C5orf24: variants seen among roughly 807,000 people sequenced by gnomAD.
The protein encoded by C5orf24 is UPF0461 protein C5orf24.
In C5orf24, 4 loss-of-function variants were observed where a neutral mutation model predicts 9.8. That is an observed-to-expected ratio of 0.41 (90% CI 0.20 to 0.93). The LOEUF (loss-of-function observed/expected upper bound fraction) is 0.93, where lower values mean the gene tolerates loss of function less well. Ranked by LOEUF, C5orf24 falls within the 40% of genes least tolerant of loss-of-function variation. The pLI, the probability that C5orf24 is intolerant of heterozygous loss-of-function variation, is 0.33. For synonymous variants in C5orf24, 73 were observed against 81.3 expected, an observed-to-expected ratio of 0.90 and a Z score of 0.55; for missense variants, 170 against 236.9, an observed-to-expected ratio of 0.72 and a Z score of 1.85.
upstream of C5orf24, among the ~76,000 whole-genome samples, chr5:134,843,999 C>T (rs1436776869): frequency 6.6e-6 from 1 of 152,230 alleles, no homozygotes; most frequent in African/African-American, 2.4e-5. Context: ...GGCAGAAAGG[C>T]ATTCAAACTC....
rs1223910575 is a variant in C5orf24, at chr5:134,859,363, CT to C, written c.*3902del. 1.8e-5 allele frequency: 3 copies of C among 166,750 alleles called. No homozygotes were observed. Among genetic ancestry groups the C allele is most frequent in the African/African-American group, 2.4e-5 (1 of 41,360 alleles). 10.3% of individuals were successfully genotyped at this position (166,750 alleles called of 1,614,324 possible). ...ACTCTAGGATGTATCTGAATCTTTC[CT>C]TTTTTCCCCCCTCCTCCAAATATAT... On this transcript the variant is annotated 3_prime_UTR_variant, in exon 2 of 2. Transcript: ENST00000394976.
upstream of C5orf24, among the ~76,000 whole-genome samples, chr5:134,842,717 CT>C (rs1256611996): frequency 6.6e-6 from 1 of 152,110 alleles, no homozygotes; most frequent in Non-Finnish European, 1.5e-5. Flanking sequence ...AGATTTCTTG[CT>C]GATATTTCCT....
intron 1 of C5orf24, among the ~76,000 whole-genome samples, chr5:134,850,148 T>G (rs1756116956): frequency 6.6e-6 from 1 of 151,914 alleles, no homozygotes; most frequent in Admixed American, 6.6e-5. Context: ...AGATATGTGG[T>G]TTTTTGTTTG....
chr5:134,840,983 A>G (rs1304573867), upstream of C5orf24, among the ~76,000 whole-genome samples: 1 of 152,132 alleles, frequency 6.6e-6, no homozygotes. Context: ...ACTAAATCAC[A>G]TTGTTAGACT....
chr5:134,851,824 A>G (rs1185341684), intron 1 of C5orf24, among the ~76,000 whole-genome samples: 1 of 152,242 alleles, frequency 6.6e-6, no homozygotes, highest in Non-Finnish European at 1.5e-5. Context: ...CCTGGCACAT[A>G]ACAAAATCCT....
At chr5:134,843,101 C>A (rs1035895276), upstream of C5orf24, among the ~76,000 whole-genome samples, 1 of 151,886 alleles carries the variant, frequency 6.6e-6, no homozygotes, top group Non-Finnish European at 1.5e-5. Flanking sequence ...CTTAGCCTCC[C>A]GAGTAGCTGG....
Position 134,859,068 on chromosome 5 carries a change from G to A in C5orf24, c.*3601G>A, listed in dbSNP as rs533548967. The A allele has an allele frequency of 1.8e-5, 3 of 166,696 alleles. No individual in the cohort carries two copies. The East Asian group carries it at 5.8e-4, about 32-fold the overall frequency. 10.3% of individuals were successfully genotyped at this position (166,696 alleles called of 1,614,324 possible). On this transcript the variant is annotated 3_prime_UTR_variant, in exon 2 of 2. Transcript: ENST00000394976. ...TATTAGGTTAAAGTTGACCCATTCA[G>A]TGTAAAAATAACCATAGTGTGTGAG... is the stretch of plus-strand genomic sequence containing the variant.
rs1183200666 is a variant in C5orf24 at position 134,855,337 on chromosome 5, A to G, written c.437A>G (p.Lys146Arg). The G allele has an allele frequency of 6.2e-7, 1 of 1,614,100 alleles. No individual in the cohort carries two copies. The highest frequency in any genetic ancestry group is 8.5e-7 in the Non-Finnish European group (1 of 1,180,008). Reference sequence around the variant, plus strand: ...CCAGGCAGACCTCCAGGTAGCATTAAAGCTCTATCCCGTCTTGCCGATCTT... The same window carrying G: ...CCAGGCAGACCTCCAGGTAGCATTAGAGCTCTATCCCGTCTTGCCGATCTT... Reference protein sequence around the residue: ...VSPGRPPGSIKALSRLADLGY... With the variant: ...VSPGRPPGSIRALSRLADLGY... Residue 146 changes from lysine to arginine, a missense_variant, in exon 2 of 2, where the codon AAA becomes AGA. This residue lies in a region of C5orf24 where 56 missense variants were observed against 60.3 expected (regional missense o/e 0.93). Transcript: ENST00000394976.
chr5:134,848,358 C>G (rs1316635986), intron 1 of C5orf24, among the ~76,000 whole-genome samples: 1 of 149,808 alleles, frequency 6.7e-6, no homozygotes, highest in Non-Finnish European at 1.5e-5. Flanking sequence ...TGCATACTTT[C>G]AATGAAAGGG....
Position 134,855,182 on chromosome 5 carries a change from G to A in C5orf24, c.282G>A (p.Ser94=), listed in dbSNP as rs146323904. Residue 94 remains serine, a synonymous_variant, in exon 2 of 2, where the codon TCG becomes TCA. Transcript: ENST00000394976. ...GATCTGGTAAGCGTGGCCGGCCTTC[G>A]GGAACCACCAAATCAGCAGGATACC... ...LNRSGKRGRP[S]GTTKSAGYRT... The A allele has an allele frequency of 5.1e-5, 82 of 1,613,916 alleles. No individual in the cohort carries two copies. Among genetic ancestry groups the A allele is most frequent in the Non-Finnish European group, 6.4e-5 (76 of 1,180,012 alleles).
At position 134,857,288 on chromosome 5, in the gene C5orf24, T is replaced by A; in HGVS notation, c.*1821T>A. 6.8e-7 allele frequency: 1 copy of A among 1,480,142 alleles called. No homozygotes were observed. The highest frequency in any genetic ancestry group is 1.8e-4 in the Middle Eastern group (1 of 5,714). 91.7% of individuals were successfully genotyped at this position (1,480,142 alleles called of 1,614,324 possible). ...AATTTTAAAAGAGCACATGTTGTGT[T>A]TTTTGGGCTTGCTATTAATGCAAAC... On this transcript the variant is annotated 3_prime_UTR_variant, in exon 2 of 2. Coordinates refer to ENST00000394976, the MANE Select transcript of C5orf24 (RefSeq NM_001135586.1).
upstream of C5orf24, among the ~76,000 whole-genome samples, chr5:134,843,943 CTT>C (rs1033145452): frequency 6.6e-6 from 1 of 152,206 alleles, no homozygotes; most frequent in Non-Finnish European, 1.5e-5. Flanking sequence ...CATGTGGAAA[CTT>C]TTGGTGGAGC....
chr5:134,842,494 G>GA (rs34006309), upstream of C5orf24, among the ~76,000 whole-genome samples: 1,553 of 128,040 alleles, frequency 0.012, 17 homozygotes, highest in African/African-American at 0.036. Context: ...GACTCCATCT[G>GA]AAAAAAAAAA....
At chr5:134,849,516 CATATT>C (rs72297501) in intron 1 of C5orf24, among the ~76,000 whole-genome samples, 1,821 of 152,170 alleles carry the variant, frequency 0.012, 37 homozygotes, top group African/African-American at 0.042. Context: ...GAGTAATTCT[CATATT>C]AAATTCCTTG....
intron 1 of C5orf24, among the ~76,000 whole-genome samples, chr5:134,847,705 A>ATTTTTTTTTTTTTTTTTTT (rs57323019): frequency 7.4e-6 from 1 of 134,958 alleles, no homozygotes; most frequent in Non-Finnish European, 1.6e-5. Context: ...TATTCATCCT[A>ATTTTTTTTTTTTTTTTTTT]TTTTTTTTTT....
At chr5:134,852,185 C>T (rs891451374) in intron 1 of C5orf24, among the ~76,000 whole-genome samples, 27 of 152,234 alleles carry the variant, frequency 1.8e-4, no homozygotes, top group Non-Finnish European at 7.3e-5. Context: ...TGTGATCCGC[C>T]TGCCTCGGCC....
intron 1 of C5orf24, among the ~76,000 whole-genome samples, chr5:134,849,637 A>G (rs1273349620): frequency 6.9e-6 from 1 of 145,312 alleles, no homozygotes; most frequent in Non-Finnish European, 1.5e-5. Context: ...CAGAAATGTT[A>G]AGTCAGTGTC....
At chr5:134,841,080 G>A (rs1755886291), upstream of C5orf24, among the ~76,000 whole-genome samples, 1 of 152,148 alleles carries the variant, frequency 6.6e-6, no homozygotes, top group Admixed American at 6.5e-5. Flanking sequence ...CAAGAAGCCA[G>A]CAGTAAAGGC....
At chr5:134,852,261 G>C (rs1465098322) in intron 1 of C5orf24, among the ~76,000 whole-genome samples, 2 of 152,186 alleles carry the variant, frequency 1.3e-5, no homozygotes, top group Admixed American at 6.5e-5. Context: ...TCTTGTATCT[G>C]TGGGGAATGA....
Sources: gnomAD v4.1 joint callset for allele counts (sites outside exome capture counted in the v4.1 genomes callset) on GRCh38, gnomAD v4.1.1 for gene constraint, gnomAD v4.1.1 regional missense constraint, MANE v1.5 for transcripts, NCBI Gene and HGNC (gene_info 2026-07-23, HGNC 2026-07-21) for gene names.